Variants in CDCA5 observed in about 807,000 individuals in gnomAD.
CDCA5 encodes the protein cell division cycle associated 5.
A neutral mutation model predicts 25.7 loss-of-function variants in CDCA5; 14 were observed. The ratio of observed to expected loss-of-function variants is 0.54; its 90% CI spans 0.36 to 0.85. The LOEUF is 0.85. Among genes scored for constraint, CDCA5 ranks in the 40% least tolerant of loss-of-function variants. The pLI is 0.01. For missense variants in CDCA5, 307 were observed against 324.5 expected (o/e 0.95, Z 0.41); for synonymous variants, 127 against 128.7 (o/e 0.99, Z 0.09).
chr11:65,083,893 A>G (rs1485253411), intron 1 of CDCA5, 40 bp downstream of exon 1: 5 of 1,608,602 alleles, frequency 3.1e-6, no homozygotes, highest in Non-Finnish European at 4.2e-6. Context: ...GCGTCCCCCA[A>G]ACGGCTCGAC....
At chr11:65,070,944 CT>C (rs56999278) in intron 1 of CDCA5, among the ~76,000 whole-genome samples, 327 of 138,328 alleles carry the variant, frequency 2.4e-3, no homozygotes, top group Admixed American at 4.3e-3. Context: ...ATTTTCTTTT[CT>C]TTTTTTTTTT....
chr11:65,078,981 G>T lies in CDCA5; in HGVS notation c.*126C>A. ...GCCCTCAAAGGCAGACAGTCCTCAT[G>T]CGCAGCACCAGCACACACACAGGTA... On this transcript the variant is annotated 3_prime_UTR_variant, in exon 6 of 6. Coordinates refer to ENST00000275517, the MANE Select transcript of CDCA5 (RefSeq NM_080668.4). The T allele has an allele frequency of 7.6e-7, 1 of 1,318,350 alleles. No individual in the cohort carries two copies. The highest frequency in any genetic ancestry group is 9.6e-7 in the Non-Finnish European group (1 of 1,037,328). The allele number at this position is 1,318,350 out of a possible 1,614,324, so 81.7% of individuals were successfully genotyped here.
At chr11:65,076,473 G>T (rs1433111690), downstream of CDCA5, among the ~76,000 whole-genome samples, 1 of 152,152 alleles carries the variant, frequency 6.6e-6, no homozygotes, top group Non-Finnish European at 1.5e-5. Context: ...GGAAGAAAAA[G>T]AAGAGGAAGG....
chr11:65,071,789 G>A (rs912409684), intron 1 of CDCA5, among the ~76,000 whole-genome samples: 1 of 152,198 alleles, frequency 6.6e-6, no homozygotes, highest in Non-Finnish European at 1.5e-5. Flanking sequence ...TAGACAGACA[G>A]ACAGGACTGG....
At chr11:65,066,003 T>G (rs1947229760), downstream of CDCA5, among the ~76,000 whole-genome samples, 1 of 152,080 alleles carries the variant, frequency 6.6e-6, no homozygotes, top group Admixed American at 6.6e-5. Flanking sequence ...TTAGAGCAGG[T>G]ACCCAGATCC....
At chr11:65,067,252 C>T (rs1473965741) in intron 4 of CDCA5, among the ~76,000 whole-genome samples, 2 of 152,206 alleles carry the variant, frequency 1.3e-5, no homozygotes, top group African/African-American at 4.8e-5. Flanking sequence ...TCTGTGGCTC[C>T]AGGCCAGTGA....
chr11:65,070,968 G>C (rs1947328738), intron 1 of CDCA5, among the ~76,000 whole-genome samples: 2 of 146,414 alleles, frequency 1.4e-5, no homozygotes. Context: ...TTGAGACAGA[G>C]TCTCGCTCTG....
intron 1 of CDCA5, among the ~76,000 whole-genome samples, chr11:65,071,440 A>G (rs541906616): frequency 2.0e-5 from 3 of 147,474 alleles, no homozygotes; most frequent in African/African-American, 7.6e-5. Flanking sequence ...TCTGCCTTCC[A>G]TGTTCAGGCA....
At chr11:65,068,823 G>T (rs953212434) in intron 1 of CDCA5, among the ~76,000 whole-genome samples, 1 of 152,182 alleles carries the variant, frequency 6.6e-6, no homozygotes, top group Non-Finnish European at 1.5e-5. Context: ...TACTTTTTCA[G>T]TATCTGTCTC....
chr11:65,064,043 G>A (rs1233580829), downstream of CDCA5, among the ~76,000 whole-genome samples: 2 of 152,240 alleles, frequency 1.3e-5, no homozygotes. Context: ...AGGGGGCTCC[G>A]TAATAGACTC....
downstream of CDCA5, among the ~76,000 whole-genome samples, chr11:65,073,050 T>C (rs539352223): frequency 1.3e-5 from 2 of 150,944 alleles, no homozygotes; most frequent in South Asian, 4.2e-4. Context: ...GTTCAAGTGA[T>C]TCTCCTGCCT....
At position 65,067,754 on chromosome 11, in the gene CDCA5, C is replaced by T; in HGVS notation, c.270-1G>A. Reference sequence around the variant, plus strand: ...CTGGTACTCCTGGATCTCCGAGTCCCTGGAGCAAGTGGGTAGTGAAGGTCA... The same window carrying T: ...CTGGTACTCCTGGATCTCCGAGTCCTTGGAGCAAGTGGGTAGTGAAGGTCA... On this transcript the variant is annotated splice_acceptor_variant, in intron 3 of 6. Transcript: ENST00000525464. LOFTEE classifies it high-confidence loss of function. 4 of 1,289,276 alleles carry T rather than the reference C, an allele frequency of 3.1e-6. No homozygotes were observed. The highest frequency in any genetic ancestry group is 4.0e-6 in the Non-Finnish European group (4 of 988,448). The allele number at this position is 1,289,276 out of a possible 1,614,324, so 79.9% of individuals were successfully genotyped here. A position where few individuals can be genotyped will look rare whatever the true frequency, so the allele number is the denominator to read the frequency against.
chr11:65,079,806 G>C lies in CDCA5; in HGVS notation c.244-19C>G. The C allele has an allele frequency of 6.9e-7, 1 of 1,452,852 alleles. No homozygotes were observed. Among genetic ancestry groups the C allele is most frequent in the Non-Finnish European group, 9.1e-7 (1 of 1,099,852 alleles). The allele number at this position is 1,452,852 out of a possible 1,614,324, so 90.0% of individuals were successfully genotyped here. ...AGGAAATCTGCACCAGGACAGAAGA[G>C]GGGATGCCCTCAATACTTAGCTGGA... On this transcript the variant is annotated intron_variant, in intron 4 of 5. Coordinates refer to ENST00000275517, the MANE Select transcript of CDCA5 (RefSeq NM_080668.4).
At position 65,078,098 on chromosome 11, in the gene CDCA5, C is replaced by T. The variant is rs11605377; in HGVS notation, c.*1009G>A. 43,695 of 985,418 alleles carry T rather than the reference C, an allele frequency of 0.044. 1,064 individuals are homozygous for T. The highest frequency in any genetic ancestry group is 0.048 in the Non-Finnish European group (39,947 of 829,970). 61.0% of individuals were successfully genotyped at this position (985,418 alleles called of 1,614,324 possible). A position where few individuals can be genotyped will look rare whatever the true frequency, so the allele number is the denominator to read the frequency against. The stretch of plus-strand genomic sequence containing the variant: ...AACTAAAATTGCTATCAGCCCCCGC[C>T]GCTGTCTGGTACGCGAGGAAACTTT... On this transcript the variant is annotated 3_prime_UTR_variant, in exon 6 of 6. Coordinates refer to ENST00000275517, the MANE Select transcript of CDCA5 (RefSeq NM_080668.4).
rs1947611830 is a variant in CDCA5, at chr11:65,083,256, G to T, written c.243+108C>A. 4 of 1,297,956 alleles carry T rather than the reference G, an allele frequency of 3.1e-6. No individual in the cohort carries two copies. In the Admixed American group the frequency reaches 5.4e-5, roughly 18 times the overall value. 80.4% of individuals were successfully genotyped at this position (1,297,956 alleles called of 1,614,324 possible). ...AGGTGCCCACAGGCAAACTGTTTTTGCAGTACTGCAAAACAGCTCCCTGGG... is the reference window on the plus strand; with the variant it reads ...AGGTGCCCACAGGCAAACTGTTTTTTCAGTACTGCAAAACAGCTCCCTGGG... On this transcript the variant is annotated intron_variant, in intron 4 of 5. Transcript: ENST00000275517.
downstream of CDCA5, among the ~76,000 whole-genome samples, chr11:65,061,914 ATTTTTTT>A (rs35836447): frequency 2.4e-5 from 2 of 82,308 alleles, no homozygotes; most frequent in East Asian, 3.4e-4. Context: ...CAGCTGCCTA[ATTTTTTT>A]TTTTTTTTTT....
intron 4 of CDCA5, 104 bp from the exon 5 acceptor site, chr11:65,079,891 C>T: frequency 1.3e-5 from 7 of 544,804 alleles, no homozygotes; most frequent in Non-Finnish European, 2.0e-5. Flanking sequence ...AGGACACACA[C>T]TTTTTTTTTT....
downstream of CDCA5, among the ~76,000 whole-genome samples, chr11:65,062,776 TAAATA>T (rs2137050566): frequency 6.6e-6 from 1 of 152,190 alleles, no homozygotes; most frequent in East Asian, 1.9e-4. Flanking sequence ...TAAAAATACA[TAAATA>T]AAATAAAATT....
intron 1 of CDCA5, among the ~76,000 whole-genome samples, chr11:65,070,274 G>A (rs1196047): frequency 0.93 from 141,176 of 152,204 alleles, 65,572 homozygotes; most frequent in Middle Eastern, 0.97. Context: ...CTGGAAGTGA[G>A]GAAGAGAGGC....
Sources: allele counts gnomAD v4.1 joint callset (sites outside exome capture counted in the v4.1 genomes callset), GRCh38; gene constraint gnomAD v4.1.1; transcripts MANE v1.5; gene names NCBI Gene and HGNC (gene_info 2026-07-23, HGNC 2026-07-21).